The following SPATA16 variants were observed in gnomAD, a reference collection of about 807,000 sequenced individuals.
SPATA16 encodes spermatogenesis associated 16.
A neutral mutation model predicts 63.3 loss-of-function variants in SPATA16; 36 were observed. The observed-to-expected ratio is 0.57, with a 90% CI of 0.44 to 0.75. SPATA16 has a LOEUF of 0.75. Ranked by LOEUF, SPATA16 falls within the 30% of genes least tolerant of loss-of-function variation. The pLI is 0.00. For missense variants in SPATA16, 646 were observed against 679.3 expected, an observed-to-expected ratio of 0.95 and a Z score of 0.54; for synonymous variants, 203 against 216.7, an observed-to-expected ratio of 0.94 and a Z score of 0.56.
chr3:173,117,158 A>G lies in SPATA16; in HGVS notation c.574T>C (p.Tyr192His). 1.2e-6 allele frequency: 2 copies of G among 1,614,082 alleles called. No homozygotes were observed. The highest frequency in any genetic ancestry group is 1.7e-6 in the Non-Finnish European group (2 of 1,179,964). Residue 192 changes from tyrosine to histidine, a missense_variant, in exon 2 of 11, where the codon TAC (tyrosine) becomes CAC (histidine). Physicochemically the swap from Tyr to His is moderately conservative, Grantham distance 83. Transcript: ENST00000351008. ...DASSCYRQKKYALAAGQFRTA... is the reference protein window; with the variant it reads ...DASSCYRQKKHALAAGQFRTA... ...CTGAACTGTCCTGCTGCCAAGGCGTATTTCTTTTGTCTATAGCAAGAGCTG... is the reference window on the plus strand; with the variant it reads ...CTGAACTGTCCTGCTGCCAAGGCGTGTTTCTTTTGTCTATAGCAAGAGCTG...
intron 5 of SPATA16, among the ~76,000 whole-genome samples, chr3:172,965,176 TAGTC>T (rs367978842): frequency 4.5e-4 from 69 of 152,340 alleles, no homozygotes; most frequent in African/African-American, 1.5e-3. Context: ...GAGGAAAACT[TAGTC>T]TGTAAAGAGC....
chr3:172,961,047 T>C (rs1237883405), intron 5 of SPATA16, among the ~76,000 whole-genome samples: 5 of 90,784 alleles, frequency 5.5e-5, no homozygotes, highest in African/African-American at 7.8e-5. Flanking sequence ...TTTCTTTCTT[T>C]CTTCTTTCTT....
At chr3:172,935,900 G>C (rs916966194) in intron 6 of SPATA16, among the ~76,000 whole-genome samples, 1 of 152,070 alleles carries the variant, frequency 6.6e-6, no homozygotes, top group East Asian at 1.9e-4. Context: ...ACATTCTATG[G>C]TATGGAAAAA....
chr3:172,964,529 G>A (rs1327624291), intron 5 of SPATA16, among the ~76,000 whole-genome samples: 1 of 152,134 alleles, frequency 6.6e-6, no homozygotes, highest in Non-Finnish European at 1.5e-5. Context: ...CCTGCAATTA[G>A]TTCATAAGGA....
intron 1 of SPATA16, among the ~76,000 whole-genome samples, chr3:173,120,702 C>A (rs1248312933): frequency 6.6e-6 from 1 of 152,078 alleles, no homozygotes; most frequent in Non-Finnish European, 1.5e-5. Context: ...TCTCTCTCTG[C>A]CTCCCTCTCT....
At chr3:172,959,212 C>G (rs1403320306) in intron 5 of SPATA16, among the ~76,000 whole-genome samples, 1 of 152,238 alleles carries the variant, frequency 6.6e-6, no homozygotes, top group Non-Finnish European at 1.5e-5. Flanking sequence ...GGCAGCTTAA[C>G]TGACTGCTGG....
chr3:173,067,373 T>C (rs952243251), intron 2 of SPATA16, among the ~76,000 whole-genome samples: 1 of 152,210 alleles, frequency 6.6e-6, no homozygotes, highest in Non-Finnish European at 1.5e-5. Context: ...TTCTCATTTA[T>C]AAGTGGGAGC....
chr3:172,926,482 CTT>C (rs1732740755), intron 6 of SPATA16, among the ~76,000 whole-genome samples: 1 of 152,162 alleles, frequency 6.6e-6, no homozygotes, highest in Admixed American at 6.5e-5. Flanking sequence ...ATTGTCCTCA[CTT>C]TATGGATAAG....
In SPATA16 at chr3:173,139,126, T is replaced by C. The variant is rs745367221; in HGVS notation, c.-19+1977A>G. Among the ~76,000 whole-genome samples the C allele has an allele frequency of 5.8e-4, 88 of 152,204 alleles. 3 individuals are homozygous for C. The highest frequency in any genetic ancestry group is 2.1e-4 in the Non-Finnish European group (14 of 68,036). ...CATGTAATTGTTGAGAAGAGTAATA[T>C]AGGAAGATTGCCTGAAAACAGTAAC... On this transcript the variant is annotated intron_variant, in intron 1 of 10. Coordinates refer to ENST00000351008, the MANE Select transcript of SPATA16 (RefSeq NM_031955.6).
intron 4 of SPATA16, among the ~76,000 whole-genome samples, chr3:173,013,464 G>A (rs901926330): frequency 3.3e-5 from 5 of 152,140 alleles, no homozygotes; most frequent in African/African-American, 4.8e-5. Flanking sequence ...CAGACTTGAC[G>A]TCCAAAGACT....
In SPATA16 at chr3:173,133,399, G is replaced by C. The variant is rs551033348; in HGVS notation, c.-19+7704C>G. ...GCCTTTACCAATGTGGTGGTGGCCC[G>C]CACAGTCAGTGCAGGTATTCTTTTG... On this transcript the variant is annotated intron_variant, in intron 1 of 10. Coordinates refer to ENST00000351008, the MANE Select transcript of SPATA16 (RefSeq NM_031955.6). Among the ~76,000 whole-genome samples, 24 of 152,270 alleles carry C rather than the reference G, an allele frequency of 1.6e-4. 1 individual carries two copies. The East Asian group carries it at 4.1e-3, about 26-fold the overall frequency.
chr3:172,938,573 A>AC (rs1733067817), intron 6 of SPATA16, among the ~76,000 whole-genome samples: 1 of 152,054 alleles, frequency 6.6e-6, no homozygotes, highest in Non-Finnish European at 1.5e-5. Context: ...CAGAGCAGAG[A>AC]CCCCCTCTTT....
intron 5 of SPATA16, among the ~76,000 whole-genome samples, chr3:172,968,160 A>G (rs1733962234): frequency 1.3e-5 from 2 of 152,174 alleles, no homozygotes; most frequent in Non-Finnish European, 1.5e-5. Context: ...ACAAGCCTTA[A>G]TTATCAACGT....
intron 2 of SPATA16, among the ~76,000 whole-genome samples, chr3:173,099,760 G>T (rs550118470): frequency 6.1e-4 from 93 of 152,302 alleles, no homozygotes; most frequent in Non-Finnish European, 1.2e-3. Context: ...TTGTGTGGGG[G>T]TGAGCTGATG....
rs1737043951 is a variant in SPATA16 at position 173,086,070 on chromosome 3, C to T, written c.612+31050G>A. ...CTCATAAAATGAGTTAGGAAGGAGTCCCTCCTTTTCAATTGTTTGGAATAA... is the reference window on the plus strand; with the variant it reads ...CTCATAAAATGAGTTAGGAAGGAGTTCCTCCTTTTCAATTGTTTGGAATAA... On this transcript the variant is annotated intron_variant, in intron 2 of 10. Transcript: ENST00000351008. Among the ~76,000 whole-genome samples the T allele has an allele frequency of 2.0e-5, 3 of 152,052 alleles. No individual in the cohort carries two copies. In the South Asian group the frequency reaches 6.2e-4, roughly 32 times the overall value.
intron 2 of SPATA16, among the ~76,000 whole-genome samples, chr3:173,101,772 T>C (rs6807947): frequency 0.23 from 35,142 of 152,002 alleles, 6,223 homozygotes; most frequent in African/African-American, 0.5. Context: ...TCCAAGAGTA[T>C]TACTCCTGGA....
chr3:173,076,620 A>T (rs1172254025), intron 2 of SPATA16, among the ~76,000 whole-genome samples: 3 of 152,062 alleles, frequency 2.0e-5, no homozygotes, highest in South Asian at 2.1e-4. Flanking sequence ...TTTTATAGCC[A>T]CTCAGGGATA....
intron 3 of SPATA16, among the ~76,000 whole-genome samples, chr3:173,022,313 C>A (rs560816126): frequency 6.6e-6 from 1 of 152,208 alleles, no homozygotes. Flanking sequence ...CCACTCTGCC[C>A]TAAACCATAT....
intron 2 of SPATA16, among the ~76,000 whole-genome samples, chr3:173,083,615 G>A (rs965186233): frequency 6.6e-6 from 1 of 152,086 alleles, no homozygotes; most frequent in Non-Finnish European, 1.5e-5. Context: ...TCCAGCATTA[G>A]CTATTTTTCC....
Sources: allele counts gnomAD v4.1 joint callset (sites outside exome capture counted in the v4.1 genomes callset), GRCh38; gene constraint gnomAD v4.1.1; transcripts MANE v1.5; gene names NCBI Gene and HGNC (gene_info 2026-07-23, HGNC 2026-07-21).